DCAF4: variants seen among roughly 807,000 people sequenced by gnomAD.
The protein encoded by DCAF4 is DDB1- and CUL4-associated factor 4.
Under a neutral mutation model 60.9 loss-of-function variants are expected in DCAF4, and 37 were observed. The ratio of observed to expected loss-of-function variants is 0.61; its 90% CI spans 0.47 to 0.80. The LOEUF (loss-of-function observed/expected upper bound fraction) is 0.80. Ranked by LOEUF, DCAF4 falls within the 30% of genes least tolerant of loss-of-function variation. DCAF4 has a pLI of 0.00. For synonymous variants in DCAF4, 243 were observed against 254.8 expected (o/e 0.95, Z 0.44); for missense variants, 577 against 650.0 (o/e 0.89, Z 1.22).
chr14:72,931,716 G>C (rs1888597404), intron 1 of DCAF4, among the ~76,000 whole-genome samples: 1 of 152,066 alleles, frequency 6.6e-6, no homozygotes, highest in African/African-American at 2.4e-5. Flanking sequence ...CTAGTATGTT[G>C]AATGTTTTTT....
chr14:72,941,974 TCTG>T (rs1253073028), intron 5 of DCAF4, 150 bp downstream of exon 5: 8 of 766,878 alleles, frequency 1.0e-5, no homozygotes, highest in Admixed American at 8.5e-5. Flanking sequence ...CACCCTGCCT[TCTG>T]CTGCTTAAAC....
chr14:72,950,665 C>T (rs981198212), intron 8 of DCAF4, among the ~76,000 whole-genome samples: 1 of 152,020 alleles, frequency 6.6e-6, no homozygotes, highest in African/African-American at 2.4e-5. Flanking sequence ...ACTCCAACGA[C>T]TATGCTCATG....
At chr14:72,945,666 C>T (rs907517400) in intron 6 of DCAF4, among the ~76,000 whole-genome samples, 3 of 152,186 alleles carry the variant, frequency 2.0e-5, no homozygotes, top group African/African-American at 7.2e-5. Flanking sequence ...CTCATCCTTC[C>T]TCTTGAATTG....
Position 72,959,059 on chromosome 14 carries a change from A to T in DCAF4, c.*254A>T. On this transcript the variant is annotated 3_prime_UTR_variant, in exon 14 of 14. Transcript: ENST00000358377. ...TCTTTCCTTTTCTTATTGAATTCTT[A>T]GAACTTAGTTAACCCTCCCTGCCTT... The T allele has an allele frequency of 2.5e-6, 3 of 1,186,578 alleles. No homozygotes were observed. Among genetic ancestry groups the T allele is most frequent in the Non-Finnish European group, 3.1e-6 (3 of 958,232 alleles). 73.5% of individuals were successfully genotyped at this position (1,186,578 alleles called of 1,614,324 possible).
chr14:72,936,534 A>C (rs1265792416), intron 1 of DCAF4, among the ~76,000 whole-genome samples: 9 of 150,314 alleles, frequency 6.0e-5, no homozygotes, highest in Non-Finnish European at 1.0e-4. Context: ...ACTGCACTCC[A>C]GCCTGGGCAA....
At chr14:72,949,342 G>A (rs1317810215) in intron 8 of DCAF4, among the ~76,000 whole-genome samples, 2 of 152,164 alleles carry the variant, frequency 1.3e-5, no homozygotes, top group East Asian at 3.8e-4. Context: ...TTTAGTTCCA[G>A]GTACTCAGGA....
At chr14:72,946,126 A>G in intron 7 of DCAF4, 99 bp downstream of exon 7, 5 of 1,417,274 alleles carry the variant, frequency 3.5e-6, no homozygotes, top group African/African-American at 2.8e-5. Context: ...AGGGCAGAGC[A>G]TACTTACCTC....
chr14:72,949,898 A>G lies in DCAF4; in HGVS notation c.729-1900A>G, dbSNP rs920111575. Among the ~76,000 whole-genome samples, 3 of 152,256 alleles carry G rather than the reference A, an allele frequency of 2.0e-5. No individual in the cohort carries two copies. In the South Asian group the frequency reaches 6.2e-4, roughly 31 times the overall value. ...CGAGTATATGCAGTTGCAAGGAGAT[A>G]GAGACAGGCAGCTCCACAAGTCCTC... On this transcript the variant is annotated intron_variant, in intron 8 of 13. Coordinates refer to ENST00000358377, the MANE Select transcript of DCAF4 (RefSeq NM_015604.4).
intron 1 of DCAF4, among the ~76,000 whole-genome samples, chr14:72,936,855 C>T (rs1352646828): frequency 6.6e-6 from 1 of 152,038 alleles, no homozygotes; most frequent in Non-Finnish European, 1.5e-5. Flanking sequence ...GGGTGTGTGA[C>T]CCAGGAGAAA....
chr14:72,941,666 A>G (rs1378520230), intron 4 of DCAF4, 79 bp from the exon 5 acceptor site: 6 of 1,369,980 alleles, frequency 4.4e-6, no homozygotes, highest in South Asian at 3.7e-5. Flanking sequence ...ATTACATCCT[A>G]TGGAACTAAA....
chr14:72,936,468 G>A (rs1351241160), intron 1 of DCAF4, among the ~76,000 whole-genome samples: 2 of 151,740 alleles, frequency 1.3e-5, no homozygotes, highest in Non-Finnish European at 2.9e-5. Context: ...GGAGGCTGAG[G>A]CAGGAGAATC....
Position 72,951,891 on chromosome 14 carries a change from C to T in DCAF4, c.808+14C>T, listed in dbSNP as rs1406197267. ...ATAGTCACCCAGGTACAGGGTTCTCCTCCTTTAAAGAAATCTGTCCTCTGT... is the reference window on the plus strand; with the variant it reads ...ATAGTCACCCAGGTACAGGGTTCTCTTCCTTTAAAGAAATCTGTCCTCTGT... On this transcript the variant is annotated intron_variant, in intron 9 of 13. Coordinates refer to ENST00000358377, the MANE Select transcript of DCAF4 (RefSeq NM_015604.4). The T allele has an allele frequency of 1.9e-6, 3 of 1,613,952 alleles. No homozygotes were observed. The highest frequency in any genetic ancestry group is 2.2e-5 in the South Asian group (2 of 91,082).
At chr14:72,929,955 T>A (rs1888317405) in intron 1 of DCAF4, 42 of 858,776 alleles carry the variant, frequency 4.9e-5, no homozygotes, top group Non-Finnish European at 7.3e-5. Context: ...ATGGCGGCCG[T>A]GGCGGAAGGC....
intron 1 of DCAF4, 110 bp from the exon 2 acceptor site, chr14:72,937,861 G>A: frequency 7.1e-7 from 1 of 1,405,354 alleles, no homozygotes; most frequent in Non-Finnish European, 9.2e-7. Context: ...ATAACCCAGG[G>A]TGGGCCAGCC....
At chr14:72,954,343 T>A (rs778108554) in intron 10 of DCAF4, 43 bp from the exon 11 acceptor site, 73 of 1,613,218 alleles carry the variant, frequency 4.5e-5, no homozygotes, top group Non-Finnish European at 5.9e-5. Flanking sequence ...CTCCCCAGAC[T>A]ACATGTGACA....
intron 1 of DCAF4, chr14:72,929,865 G>A (rs1220320710): frequency 2.1e-5 from 31 of 1,476,970 alleles, no homozygotes; most frequent in Non-Finnish European, 4.6e-6. Context: ...GCCTGGGCTT[G>A]CTCACGTTCT....
At chr14:72,953,793 TGTGTGTG>T (rs1891888176) in intron 9 of DCAF4, among the ~76,000 whole-genome samples, 1 of 59,140 alleles carries the variant, frequency 1.7e-5, no homozygotes, top group Non-Finnish European at 4.3e-5. Context: ...TGTGTGTGTG[TGTGTGTG>T]TGTGTGTGTG....
intron 8 of DCAF4, among the ~76,000 whole-genome samples, chr14:72,948,150 T>C (rs1567316577): frequency 6.6e-6 from 1 of 152,206 alleles, no homozygotes; most frequent in Non-Finnish European, 1.5e-5. Context: ...GTAAATTTTA[T>C]TTGTTTCACA....
downstream of DCAF4, chr14:72,959,713 T>C (rs1480223271): frequency 1.0e-6 from 1 of 964,314 alleles, no homozygotes; most frequent in Non-Finnish European, 1.2e-6. Context: ...TGGGACCAGC[T>C]TTCATAGCCT....
Sources: gnomAD v4.1 joint callset for allele counts (sites outside exome capture counted in the v4.1 genomes callset) on GRCh38, gnomAD v4.1.1 for gene constraint, MANE v1.5 for transcripts, NCBI Gene and HGNC (gene_info 2026-07-23, HGNC 2026-07-21) for gene names.